Variants in ESR2 observed in about 807,000 individuals in gnomAD.
The protein encoded by ESR2 is estrogen receptor 2.
In ESR2, 36 loss-of-function variants were observed where a neutral mutation model predicts 49.6. The observed-to-expected ratio is 0.73, with a 90% CI of 0.56 to 0.96. The LOEUF is 0.96. ESR2 is among the 40% of genes least tolerant of loss of function. The probability of loss-of-function intolerance (pLI) is 0.00; values close to 1 mark genes in which losing one functional copy is unlikely to be tolerated. For missense variants in ESR2, 714 were observed against 693.0 expected (o/e 1.03, Z -0.34); for synonymous variants, 320 against 266.1 (o/e 1.20, Z -1.97).
chr14:64,273,255 A>G (rs2076485579), intron 3 of ESR2, among the ~76,000 whole-genome samples: 2 of 152,180 alleles, frequency 1.3e-5, no homozygotes, highest in African/African-American at 4.8e-5. Flanking sequence ...TAAGATCATC[A>G]GCAAACTAGG....
Position 64,325,585 on chromosome 14 carries a change from A to G in ESR2, c.-91+12313T>C, listed in dbSNP as rs373745177. Among the ~76,000 whole-genome samples, 11 of 152,282 alleles carry G rather than the reference A, an allele frequency of 7.2e-5. No homozygotes were observed. The East Asian group carries it at 1.9e-3, about 27-fold the overall frequency. ...TTAAGAAAATTAGTTAAGGCAAATA[A>G]TTAAGATTGGAATTACAGTTGACCC... On this transcript the variant is annotated intron_variant, in intron 1 of 8. Coordinates refer to the ESR2 transcript ENST00000358599.
intron 7 of ESR2, among the ~76,000 whole-genome samples, chr14:64,242,693 T>G (rs149681645): frequency 6.6e-6 from 1 of 152,228 alleles, no homozygotes; most frequent in East Asian, 1.9e-4. Flanking sequence ...AGTGTGTTAG[T>G]CTGAGTGTTC....
At chr14:64,328,216 C>A (rs369881798) in intron 1 of ESR2, among the ~76,000 whole-genome samples, 1 of 151,036 alleles carries the variant, frequency 6.6e-6, no homozygotes, top group Non-Finnish European at 1.5e-5. Context: ...AACGAGACTT[C>A]GTCTCAAAAA....
At chr14:64,262,680 G>A (rs1265533705) in intron 4 of ESR2, among the ~76,000 whole-genome samples, 1 of 152,048 alleles carries the variant, frequency 6.6e-6, no homozygotes, top group East Asian at 1.9e-4. Flanking sequence ...TGGGGCGGGA[G>A]GGGACGGATC....
intron 1 of ESR2, among the ~76,000 whole-genome samples, chr14:64,315,927 A>C (rs561882837): frequency 1.2e-4 from 18 of 152,306 alleles, no homozygotes; most frequent in African/African-American, 3.1e-4. Flanking sequence ...TGCTGGGATT[A>C]CAGGCATGTG....
chr14:64,288,787 G>C (rs2076822755), intron 1 of ESR2, among the ~76,000 whole-genome samples: 1 of 151,402 alleles, frequency 6.6e-6, no homozygotes, highest in African/African-American at 2.4e-5. Flanking sequence ...AGGAGTTCGG[G>C]ACCAGCCTGG....
chr14:64,237,370 A>G (rs967600240), intron 7 of ESR2, among the ~76,000 whole-genome samples: 4 of 152,204 alleles, frequency 2.6e-5, no homozygotes, highest in Non-Finnish European at 4.4e-5. Context: ...AGAGAAAATT[A>G]TTTCAAGCTT....
intron 7 of ESR2, among the ~76,000 whole-genome samples, chr14:64,248,553 C>A (rs893042384): frequency 1.3e-5 from 2 of 150,306 alleles, no homozygotes; most frequent in Non-Finnish European, 3.0e-5. Context: ...GGAATGGTCA[C>A]CAAAGTTATG....
At chr14:64,267,940 A>G (rs944941765) in intron 4 of ESR2, among the ~76,000 whole-genome samples, 7 of 152,034 alleles carry the variant, frequency 4.6e-5, no homozygotes, top group African/African-American at 1.7e-4. Context: ...TTTGTTTTAA[A>G]TTTTCAAATA....
rs548897217 is a variant in ESR2 at position 64,322,076 on chromosome 14, G to A, written c.-91+15822C>T. 4.6e-5 allele frequency among the ~76,000 whole-genome samples: 7 copies of A among 151,968 alleles called. No homozygotes were observed. In the South Asian group the frequency reaches 1.0e-3, roughly 23 times the overall value. On this transcript the variant is annotated intron_variant, in intron 1 of 8. Transcript: ENST00000358599. ...ATAAAAATTATTATTATTATTATTT[G>A]AGACAGAGTTTTGCTCTTGTCACCC...
At chr14:64,245,359 A>C (rs2075828373) in intron 7 of ESR2, among the ~76,000 whole-genome samples, 3 of 151,832 alleles carry the variant, frequency 2.0e-5, no homozygotes. Context: ...TAAAAATACA[A>C]AAATTAGCCA....
intron 1 of ESR2, among the ~76,000 whole-genome samples, chr14:64,291,545 T>C (rs1202754516): frequency 1.3e-5 from 2 of 152,214 alleles, no homozygotes; most frequent in Non-Finnish European, 2.9e-5. Context: ...CAATTTTATA[T>C]ATATATATGT....
At chr14:64,334,608 TAGCCACCA>T (rs1323819015) in intron 1 of ESR2, among the ~76,000 whole-genome samples, 3 of 152,218 alleles carry the variant, frequency 2.0e-5, no homozygotes, top group African/African-American at 7.2e-5. Context: ...AGAGGAGAAT[TAGCCACCA>T]CCTTTGGAAG....
chr14:64,322,056 AATTATT>A (rs979421757), intron 1 of ESR2, among the ~76,000 whole-genome samples: 1 of 151,324 alleles, frequency 6.6e-6, no homozygotes, highest in African/African-American at 2.4e-5. Context: ...TAAAAATAAA[AATTATT>A]ATTATTATTA....
At chr14:64,259,828 T>C (rs1207808075) in intron 5 of ESR2, among the ~76,000 whole-genome samples, 1 of 152,196 alleles carries the variant, frequency 6.6e-6, no homozygotes, top group East Asian at 1.9e-4. Context: ...CAAAATTCTA[T>C]TTAGCATCTG....
At chr14:64,309,655 G>A (rs2077160900) in intron 1 of ESR2, among the ~76,000 whole-genome samples, 1 of 150,038 alleles carries the variant, frequency 6.7e-6, no homozygotes, top group African/African-American at 2.5e-5. Flanking sequence ...AACAGAGGGA[G>A]ATGTAACATC....
intron 1 of ESR2, among the ~76,000 whole-genome samples, chr14:64,289,089 G>GA (rs536455120): frequency 1.0e-3 from 157 of 151,700 alleles, no homozygotes; most frequent in South Asian, 1.7e-3. Flanking sequence ...AGCTCTGCCT[G>GA]AAAGCCAGGC....
chr14:64,281,280 G>A (rs1363504831), intron 2 of ESR2, among the ~76,000 whole-genome samples: 2 of 152,158 alleles, frequency 1.3e-5, no homozygotes, highest in Non-Finnish European at 2.9e-5. Flanking sequence ...CATCTGGCTA[G>A]TTCCTGATGT....
At position 64,242,405 on chromosome 14, in the gene ESR2, CAA is replaced by C. The variant is rs34136916; in HGVS notation, c.1225+7139_1225+7140del. On this transcript the variant is annotated intron_variant, in intron 7 of 8. Coordinates refer to ENST00000341099, the MANE Select transcript of ESR2 (RefSeq NM_001437.3). ...GCCTGGGCGGAGAGTGAGACTGTCT[CAA>C]AAAAAAAAAACAAAAAAAACAAAAC... is the stretch of plus-strand genomic sequence containing the variant. Among the ~76,000 whole-genome samples the C allele has an allele frequency of 1.8e-4, 23 of 126,216 alleles. No individual in the cohort carries two copies. The East Asian group carries it at 2.4e-3, about 13-fold the overall frequency. The allele number at this position is 126,216 out of a possible 152,430, so 82.8% of individuals were successfully genotyped here.
Sources: gnomAD v4.1 joint callset for allele counts (sites outside exome capture counted in the v4.1 genomes callset) on GRCh38, gnomAD v4.1.1 for gene constraint, MANE v1.5 for transcripts, NCBI Gene and HGNC (gene_info 2026-07-23, HGNC 2026-07-21) for gene names.